XRN1: variants seen among roughly 807,000 people sequenced by gnomAD.
The protein encoded by XRN1 is strand-exchange protein 1 homolog.
XRN1 carries 67 observed loss-of-function variants against 222.3 expected under a neutral mutation model. That is an observed-to-expected ratio of 0.30 (90% CI 0.25 to 0.37). XRN1 has a LOEUF of 0.37. XRN1 is among the 10% of genes least tolerant of loss of function. The pLI, the probability that XRN1 is intolerant of heterozygous loss-of-function variation, is 1.00. For missense variants in XRN1, 1,707 were observed against 2,000.2 expected (o/e 0.85, Z 2.80); for synonymous variants, 643 against 652.4 (o/e 0.99, Z 0.22).
intron 39 of XRN1, among the ~76,000 whole-genome samples, chr3:142,316,915 G>A (rs1424309358): frequency 6.6e-6 from 1 of 151,950 alleles, no homozygotes; most frequent in Non-Finnish European, 1.5e-5. Flanking sequence ...AAAAAAAAAG[G>A]GTACATAAGA....
At chr3:142,334,803 A>ACGCAC (rs57347012) in intron 34 of XRN1, among the ~76,000 whole-genome samples, 1 of 134,240 alleles carries the variant, frequency 7.4e-6, no homozygotes, top group African/African-American at 2.9e-5. Context: ...CACACACACA[A>ACGCAC]AAGACCATAT....
chr3:142,414,890 C>A (rs2068726341), intron 13 of XRN1, among the ~76,000 whole-genome samples: 1 of 152,008 alleles, frequency 6.6e-6, no homozygotes, highest in African/African-American at 2.4e-5. Context: ...TTTTTTAATT[C>A]TCAAAATGTT....
chr3:142,363,199 G>A (rs1471320083), intron 29 of XRN1, among the ~76,000 whole-genome samples: 2 of 150,516 alleles, frequency 1.3e-5, no homozygotes, highest in Non-Finnish European at 3.0e-5. Flanking sequence ...AATTCATTTT[G>A]AGCTAATTTC....
intron 20 of XRN1, among the ~76,000 whole-genome samples, chr3:142,389,731 G>A (rs535908478): frequency 1.9e-4 from 29 of 152,268 alleles, no homozygotes; most frequent in Admixed American, 9.8e-4. Flanking sequence ...TGTTGGCCAG[G>A]CTGGCCTCGA....
chr3:142,375,559 A>T (rs1368062699), intron 25 of XRN1, among the ~76,000 whole-genome samples: 11 of 152,168 alleles, frequency 7.2e-5, no homozygotes, highest in Admixed American at 7.2e-4. Flanking sequence ...GTTAAGAAAA[A>T]TTTTAACTAA....
intron 34 of XRN1, among the ~76,000 whole-genome samples, chr3:142,333,664 G>A (rs576558890): frequency 1.3e-5 from 2 of 152,214 alleles, no homozygotes; most frequent in South Asian, 4.2e-4. Context: ...TTAGGAGGTG[G>A]GGCCTTTGGT....
chr3:142,400,858 A>G (rs1185667997), intron 18 of XRN1, among the ~76,000 whole-genome samples: 1 of 152,156 alleles, frequency 6.6e-6, no homozygotes. Flanking sequence ...CGGAGGTTGC[A>G]GTGAGGTGAG....
chr3:142,396,949 C>T (rs1427150916), intron 20 of XRN1, among the ~76,000 whole-genome samples: 2 of 151,976 alleles, frequency 1.3e-5, no homozygotes, highest in East Asian at 1.9e-4. Flanking sequence ...GAATGGGGAA[C>T]GGGAGAAGAT....
chr3:142,387,162 A>G (rs552101477), intron 20 of XRN1, among the ~76,000 whole-genome samples: 1 of 152,376 alleles, frequency 6.6e-6, no homozygotes, highest in South Asian at 2.1e-4. Context: ...GATTACATGT[A>G]ACAATATGGA....
intron 2 of XRN1, among the ~76,000 whole-genome samples, chr3:142,427,197 G>A (rs937630150): frequency 1.3e-5 from 2 of 152,254 alleles, no homozygotes. Context: ...GCCAGGTACA[G>A]GGGCATGTGC....
chr3:142,426,423 T>G, intron 3 of XRN1: 1 of 209,522 alleles, frequency 4.8e-6, no homozygotes, highest in Non-Finnish European at 9.5e-6. Context: ...ACTGAGTCTG[T>G]TTTAACATAA....
rs1312303409 is a variant in XRN1, at chr3:142,424,435, CTG to C, written c.627+785_627+786del. ...CTAATACCCCAAGTAAGTCAACAGT[CTG>C]TTGACACATATCAATCAAACGCCAT... On this transcript the variant is annotated intron_variant, in intron 5 of 40. Transcript: ENST00000392981. Among the ~76,000 whole-genome samples, 7 of 152,134 alleles carry C rather than the reference CTG, an allele frequency of 4.6e-5. No individual in the cohort carries two copies. In the East Asian group the frequency reaches 1.3e-3, roughly 29 times the overall value.
chr3:142,373,941 C>T (rs2067064132), intron 25 of XRN1, among the ~76,000 whole-genome samples: 1 of 152,148 alleles, frequency 6.6e-6, no homozygotes, highest in Admixed American at 6.5e-5. Context: ...GAGATCGTGC[C>T]ACTGCACTCC....
In XRN1 at chr3:142,383,356, G is replaced by C; in HGVS notation, c.2560C>G (p.Pro854Ala). The change falls in exon 22 of 41, where the codon CCT becomes GCT. Residue 854 changes from proline (P) to alanine (A), a missense_variant. This residue lies in a region of XRN1 where 1,234 missense variants were observed against 1,518.2 expected (regional missense o/e 0.81). Transcript: ENST00000392981. ...AGCATAAAGACCATACTTCTCAGAG[G>C]AAACAAATCATCCAATGTTTTGATA... is the stretch of plus-strand genomic sequence containing the variant. Reference protein sequence around the residue: ...SNIKTLDDLFPLRSMVFMLGT... With the variant: ...SNIKTLDDLFALRSMVFMLGT... The C allele has an allele frequency of 6.2e-7, 1 of 1,613,992 alleles. No homozygotes were observed.
rs1184388802 is a variant in XRN1 at position 142,411,844 on chromosome 3, G to A, written c.1713+700C>T. 2.9e-5 allele frequency among the ~76,000 whole-genome samples: 4 copies of A among 140,040 alleles called. No individual in the cohort carries two copies. The South Asian group carries it at 9.1e-4, about 32-fold the overall frequency. The allele number at this position is 140,040 out of a possible 152,430, so 91.9% of individuals were successfully genotyped here. On this transcript the variant is annotated intron_variant, in intron 15 of 40. Transcript: ENST00000392981. ...AAAATTTTTTTTTTTTTTTTTTTGAGATGGAGTCTCGCTGTCTCCCAGGCT... is the reference window on the plus strand; with the variant it reads ...AAAATTTTTTTTTTTTTTTTTTTGAAATGGAGTCTCGCTGTCTCCCAGGCT...
At chr3:142,377,881 C>T (rs2067189614) in intron 23 of XRN1, among the ~76,000 whole-genome samples, 1 of 152,144 alleles carries the variant, frequency 6.6e-6, no homozygotes, top group Admixed American at 6.6e-5. Context: ...AAAGCTCCAG[C>T]TACTTTATCT....
chr3:142,402,402 T>TA (rs1559852278), intron 18 of XRN1, among the ~76,000 whole-genome samples: 1 of 152,020 alleles, frequency 6.6e-6, no homozygotes, highest in Non-Finnish European at 1.5e-5. Context: ...AGACTTGTCT[T>TA]GAACTCCTGA....
intron 2 of XRN1, chr3:142,429,870 A>G (rs1032375013): frequency 6.6e-6 from 1 of 152,228 alleles, no homozygotes; most frequent in African/African-American, 2.4e-5. Flanking sequence ...TATTTCAGCA[A>G]TGGTAAAGAA....
intron 18 of XRN1, among the ~76,000 whole-genome samples, chr3:142,401,997 A>G (rs2068154996): frequency 6.6e-6 from 1 of 152,086 alleles, no homozygotes. Context: ...CTCTGTTTCT[A>G]CTGGCTCCCT....
Sources: gnomAD v4.1 joint callset for allele counts (sites outside exome capture counted in the v4.1 genomes callset) on GRCh38, gnomAD v4.1.1 for gene constraint, gnomAD v4.1.1 regional missense constraint, MANE v1.5 for transcripts, NCBI Gene and HGNC (gene_info 2026-07-23, HGNC 2026-07-21) for gene names.